PCDH9: variants seen among roughly 807,000 people sequenced by gnomAD.
The protein encoded by PCDH9 is protocadherin 9, also known as protocadherin-9.
In PCDH9, 24 loss-of-function variants were observed where a neutral mutation model predicts 70.6. That is an observed-to-expected ratio of 0.34 (90% CI 0.25 to 0.48). PCDH9 has a LOEUF of 0.48. Among genes scored for constraint, PCDH9 ranks in the 20% least tolerant of loss-of-function variants. PCDH9 has a pLI of 0.99. For missense variants in PCDH9, 1,281 were observed against 1,503.6 expected, an observed-to-expected ratio of 0.85 and a Z score of 2.45; for synonymous variants, 562 against 558.5, an observed-to-expected ratio of 1.01 and a Z score of -0.09.
intron 3 of PCDH9, among the ~76,000 whole-genome samples, chr13:66,882,497 C>T (rs939901459): frequency 2.6e-5 from 4 of 151,940 alleles, no homozygotes; most frequent in African/African-American, 7.3e-5. Context: ...TATTTTGTTG[C>T]CTTCTTGTTC....
At chr13:67,018,480 G>T (rs1251600954) in intron 2 of PCDH9, among the ~76,000 whole-genome samples, 1 of 151,896 alleles carries the variant, frequency 6.6e-6, no homozygotes, top group Non-Finnish European at 1.5e-5. Context: ...TTAGCTGGGC[G>T]TGGTGGCGTC....
At chr13:66,707,560 G>A (rs1016978075) in intron 3 of PCDH9, among the ~76,000 whole-genome samples, 2 of 152,146 alleles carry the variant, frequency 1.3e-5, no homozygotes, top group Non-Finnish European at 2.9e-5. Flanking sequence ...TTACATAGGC[G>A]CTTCTGCTCA....
intron 2 of PCDH9, among the ~76,000 whole-genome samples, chr13:66,997,723 C>T (rs767396765): frequency 2.6e-5 from 4 of 151,942 alleles, no homozygotes; most frequent in Non-Finnish European, 5.9e-5. Flanking sequence ...TTAGTAGAGA[C>T]GGGGTTTCAC....
intron 3 of PCDH9, among the ~76,000 whole-genome samples, chr13:66,707,457 T>C (rs2078726516): frequency 6.6e-6 from 1 of 152,192 alleles, no homozygotes; most frequent in Admixed American, 6.5e-5. Context: ...TGAACTTGTC[T>C]TATCTTAGGC....
intron 4 of PCDH9, among the ~76,000 whole-genome samples, chr13:66,325,729 C>T (rs2138101032): frequency 6.6e-6 from 1 of 151,124 alleles, no homozygotes; most frequent in African/African-American, 2.5e-5. Flanking sequence ...AATGGGAGGT[C>T]ACTCTTATTT....
In PCDH9 at chr13:66,304,777, A is replaced by G. The variant is rs1018255084; in HGVS notation, c.3592T>C (p.Tyr1198His). Residue 1198 changes from tyrosine (Y) to histidine (H), a missense_variant, in exon 5 of 5, where the codon TAT becomes CAT. Tyr to His is a moderately conservative substitution (Grantham distance 83). Coordinates refer to ENST00000377865, the MANE Select transcript of PCDH9 (RefSeq NM_203487.3). The stretch of plus-strand genomic sequence containing the variant: ...TTGAAATGGCCTTCATTGGAGCCAT[A>G]CTGCTTACGGTCATTGAACTGGTTC... ...NRNQFNDRKQ[Y>H]GSNEGHFNNG... 1.9e-6 allele frequency: 3 copies of G among 1,613,398 alleles called. No homozygotes were observed. The highest frequency in any genetic ancestry group is 2.7e-5 in the African/African-American group (2 of 74,870).
intron 2 of PCDH9, among the ~76,000 whole-genome samples, chr13:66,980,743 T>TTG (rs1409066572): frequency 3.3e-5 from 4 of 120,606 alleles, no homozygotes; most frequent in South Asian, 2.3e-4. Context: ...TTTTTTTTTG[T>TTG]TTTTTTTTTT....
At chr13:66,903,835 T>C (rs2082315844) in intron 2 of PCDH9, among the ~76,000 whole-genome samples, 1 of 152,012 alleles carries the variant, frequency 6.6e-6, no homozygotes, top group African/African-American at 2.4e-5. Flanking sequence ...AAATATAAAA[T>C]TTAGTAATTT....
intron 3 of PCDH9, among the ~76,000 whole-genome samples, chr13:66,807,819 TCTTTA>T (rs1479909942): frequency 1.3e-5 from 2 of 152,218 alleles, no homozygotes; most frequent in African/African-American, 2.4e-5. Context: ...TATCGACCTT[TCTTTA>T]CTTTGCAGAG....
At chr13:66,592,722 G>A (rs1593744937) in intron 4 of PCDH9, among the ~76,000 whole-genome samples, 1 of 151,688 alleles carries the variant, frequency 6.6e-6, no homozygotes, top group East Asian at 1.9e-4. Flanking sequence ...TTAACTCTCT[G>A]TAATATTAGT....
intron 2 of PCDH9, among the ~76,000 whole-genome samples, chr13:67,016,655 C>T (rs985471289): frequency 6.6e-6 from 1 of 152,130 alleles, no homozygotes. Flanking sequence ...GTACTTTCCC[C>T]ATATTCTCTC....
intron 4 of PCDH9, among the ~76,000 whole-genome samples, chr13:66,523,720 T>A (rs968488060): frequency 6.7e-6 from 1 of 149,176 alleles, no homozygotes; most frequent in Non-Finnish European, 1.5e-5. Flanking sequence ...GAGAAGAGAT[T>A]AAGGATGATT....
chr13:66,369,182 G>A (rs569408079), intron 4 of PCDH9, among the ~76,000 whole-genome samples: 7 of 152,066 alleles, frequency 4.6e-5, no homozygotes, highest in Non-Finnish European at 1.0e-4. Context: ...TTTTAAGGGT[G>A]AACATCTGTG....
chr13:66,399,920 C>T (rs1463279928), intron 4 of PCDH9, among the ~76,000 whole-genome samples: 2 of 151,732 alleles, frequency 1.3e-5, no homozygotes, highest in Non-Finnish European at 2.9e-5. Context: ...AGAATCAGAC[C>T]CTGGGTTACA....
At chr13:66,502,679 G>T (rs903587002) in intron 4 of PCDH9, among the ~76,000 whole-genome samples, 2 of 152,048 alleles carry the variant, frequency 1.3e-5, no homozygotes, top group African/African-American at 4.8e-5. Flanking sequence ...TAATAAAATA[G>T]AAGTGCTCAT....
intron 4 of PCDH9, among the ~76,000 whole-genome samples, chr13:66,559,780 A>AG (rs1961914246): frequency 1.4e-5 from 2 of 138,978 alleles, no homozygotes; most frequent in Admixed American, 7.5e-5. Flanking sequence ...AGCCTGGGAG[A>AG]CAGAGCAAGA....
intron 4 of PCDH9, among the ~76,000 whole-genome samples, chr13:66,581,223 T>C (rs2076887557): frequency 6.6e-6 from 1 of 152,174 alleles, no homozygotes; most frequent in South Asian, 2.1e-4. Context: ...TTTAGCTTAC[T>C]ACAACAAATT....
At chr13:66,865,589 C>T (rs777560994) in intron 3 of PCDH9, among the ~76,000 whole-genome samples, 4 of 152,078 alleles carry the variant, frequency 2.6e-5, no homozygotes, top group Non-Finnish European at 5.9e-5. Flanking sequence ...TTGATAATTT[C>T]CAGTGGGTCT....
chr13:66,961,042 T>C (rs2139724742), intron 2 of PCDH9, among the ~76,000 whole-genome samples: 1 of 152,356 alleles, frequency 6.6e-6, no homozygotes, highest in Non-Finnish European at 1.5e-5. Flanking sequence ...GTCTATCTTC[T>C]ATTTGTGTCT....
Sources: allele counts gnomAD v4.1 joint callset (sites outside exome capture counted in the v4.1 genomes callset), GRCh38; gene constraint gnomAD v4.1.1; transcripts MANE v1.5; gene names NCBI Gene and HGNC (gene_info 2026-07-23, HGNC 2026-07-21).